NAV3: variants seen among roughly 807,000 people sequenced by gnomAD.
NAV3 encodes pore membrane and/or filament interacting like protein 1.
Under a neutral mutation model 244.7 loss-of-function variants are expected in NAV3, and 87 were observed. The ratio of observed to expected loss-of-function variants is 0.36; its 90% confidence interval spans 0.30 to 0.42. The LOEUF (loss-of-function observed/expected upper bound fraction) is 0.42, where lower values mean the gene tolerates loss of function less well. Among genes scored for constraint, NAV3 ranks in the 20% least tolerant of loss-of-function variants. The pLI is 1.00. For synonymous variants in NAV3, 1,126 were observed against 1,042.2 expected, an observed-to-expected ratio of 1.08 and a Z score of -1.55; for missense variants, 2,663 against 2,893.3, an observed-to-expected ratio of 0.92 and a Z score of 1.83.
intron 2 of NAV3, among the ~76,000 whole-genome samples, chr12:77,616,730 G>A (rs563457964): frequency 0.046 from 6,781 of 148,094 alleles, 256 homozygotes; most frequent in African/African-American, 0.1. Flanking sequence ...ACACAGGCGC[G>A]CACACACACA....
chr12:78,009,109 A>G (rs544464011), intron 8 of NAV3, among the ~76,000 whole-genome samples: 2 of 152,186 alleles, frequency 1.3e-5, no homozygotes, highest in Non-Finnish European at 2.9e-5. Flanking sequence ...ATTGTTTGCA[A>G]TAAAATATCC....
intron 1 of NAV3, among the ~76,000 whole-genome samples, chr12:77,910,132 A>G (rs769131518): frequency 1.4e-4 from 21 of 152,082 alleles, no homozygotes; most frequent in Non-Finnish European, 1.9e-4. Context: ...ATTGTTATGA[A>G]GGGTTATTTG....
At chr12:78,201,272 A>AG (rs2140044850) in intron 38 of NAV3, among the ~76,000 whole-genome samples, 1 of 151,670 alleles carries the variant, frequency 6.6e-6, no homozygotes, top group Non-Finnish European at 1.5e-5. Context: ...TGGTCTCGCT[A>AG]GGTTGCTCAG....
intron 23 of NAV3, among the ~76,000 whole-genome samples, chr12:78,163,569 A>G (rs2139470435): frequency 6.6e-6 from 1 of 152,206 alleles, no homozygotes; most frequent in Non-Finnish European, 1.5e-5. Context: ...CTGCATCTCA[A>G]AAAAATAAAA....
intron 2 of NAV3, among the ~76,000 whole-genome samples, chr12:77,811,360 CTTAATAG>C (rs1379039612): frequency 2.6e-5 from 4 of 152,106 alleles, no homozygotes; most frequent in Non-Finnish European, 2.9e-5. Flanking sequence ...AATTATAGGA[CTTAATAG>C]TTAAGAGAGT....
chr12:77,935,325 A>G (rs1282366012), intron 1 of NAV3, among the ~76,000 whole-genome samples: 1 of 152,148 alleles, frequency 6.6e-6, no homozygotes, highest in Non-Finnish European at 1.5e-5. Context: ...GAAATATGGT[A>G]TCATATATGT....
intron 1 of NAV3, among the ~76,000 whole-genome samples, chr12:77,909,267 A>G (rs1445931826): frequency 6.6e-6 from 1 of 152,114 alleles, no homozygotes; most frequent in Non-Finnish European, 1.5e-5. Context: ...CATATGTAGT[A>G]GAGAAACTTT....
intron 2 of NAV3, among the ~76,000 whole-genome samples, chr12:77,740,353 A>G (rs1868305458): frequency 6.6e-6 from 1 of 152,174 alleles, no homozygotes; most frequent in Non-Finnish European, 1.5e-5. Flanking sequence ...CTAGAAAGTG[A>G]TAAGATGATA....
At chr12:78,151,473 C>T (rs751491162) in intron 22 of NAV3, among the ~76,000 whole-genome samples, 5 of 151,912 alleles carry the variant, frequency 3.3e-5, no homozygotes, top group Admixed American at 6.6e-5. Context: ...ACTATTGATA[C>T]GTGCATCAAC....
chr12:77,717,275 A>G (rs749587931), intron 2 of NAV3, among the ~76,000 whole-genome samples: 1 of 151,728 alleles, frequency 6.6e-6, no homozygotes, highest in Non-Finnish European at 1.5e-5. Flanking sequence ...ACAACTCCCT[A>G]TTTTCCTCTC....
At chr12:78,017,548 C>G (rs1876434051) in intron 8 of NAV3, among the ~76,000 whole-genome samples, 1 of 152,054 alleles carries the variant, frequency 6.6e-6, no homozygotes. Context: ...GTAAGATTGT[C>G]TACATAGGAC....
At chr12:77,692,361 G>C (rs1464089647) in intron 2 of NAV3, among the ~76,000 whole-genome samples, 2 of 151,934 alleles carry the variant, frequency 1.3e-5, no homozygotes, top group African/African-American at 4.8e-5. Flanking sequence ...CAAACACCTT[G>C]GGTCAAAGGC....
chr12:77,935,872 A>G (rs756757931), intron 1 of NAV3, among the ~76,000 whole-genome samples: 37 of 152,178 alleles, frequency 2.4e-4, no homozygotes, highest in African/African-American at 8.9e-4. Context: ...TGTGCTACGC[A>G]CTTTCAGAAA....
chr12:78,121,535 G>A (rs1488826927), intron 15 of NAV3, among the ~76,000 whole-genome samples: 1 of 151,952 alleles, frequency 6.6e-6, no homozygotes, highest in African/African-American at 2.4e-5. Context: ...AAAAAGAGAA[G>A]AGCTCATTTA....
chr12:77,747,288 T>A (rs75405120), intron 2 of NAV3, among the ~76,000 whole-genome samples: 18 of 152,098 alleles, frequency 1.2e-4, no homozygotes, highest in Non-Finnish European at 1.3e-4. Context: ...GGGTTGTTTG[T>A]TTTTCACTGA....
chr12:77,625,339 A>C (rs1458029008), intron 2 of NAV3, among the ~76,000 whole-genome samples: 3 of 152,174 alleles, frequency 2.0e-5, no homozygotes, highest in Admixed American at 2.0e-4. Context: ...AACCATATGC[A>C]TTTAATAACT....
At chr12:77,675,518 C>T (rs773212162) in intron 2 of NAV3, among the ~76,000 whole-genome samples, 1 of 152,202 alleles carries the variant, frequency 6.6e-6, no homozygotes, top group Non-Finnish European at 1.5e-5. Context: ...AATACCTTCA[C>T]AGCAACACCT....
chr12:78,030,062 G>A (rs765945703), intron 9 of NAV3, among the ~76,000 whole-genome samples: 9 of 152,060 alleles, frequency 5.9e-5, no homozygotes, highest in Non-Finnish European at 1.3e-4. Flanking sequence ...ATGAAACATA[G>A]GTGAATTTTG....
intron 11 of NAV3, among the ~76,000 whole-genome samples, chr12:78,054,475 A>C (rs1381509012): frequency 6.6e-6 from 1 of 152,194 alleles, no homozygotes; most frequent in Non-Finnish European, 1.5e-5. Flanking sequence ...GTCATAGAAC[A>C]TGGCATGAGG....
Sources: allele counts gnomAD v4.1 joint callset (sites outside exome capture counted in the v4.1 genomes callset), GRCh38; gene constraint gnomAD v4.1.1; transcripts MANE v1.5; gene names NCBI Gene and HGNC (gene_info 2026-07-23, HGNC 2026-07-21).